Variants in CTNNA2 observed in about 807,000 individuals in gnomAD.
CTNNA2 encodes catenin alpha-2.
Under a neutral mutation model 101.0 loss-of-function variants are expected in CTNNA2, and 42 were observed. The observed-to-expected ratio is 0.42, with a 90% CI of 0.32 to 0.54. The LOEUF (loss-of-function observed/expected upper bound fraction) is 0.54, where lower values mean the gene tolerates loss of function less well. Ranked by LOEUF, CTNNA2 falls within the 20% of genes least tolerant of loss-of-function variation. CTNNA2 has a pLI of 0.14. For synonymous variants in CTNNA2, 450 were observed against 456.4 expected (o/e 0.99, Z 0.18); for missense variants, 871 against 1,223.1 (o/e 0.71, Z 4.29).
intron 3 of CTNNA2, among the ~76,000 whole-genome samples, chr2:79,820,959 G>A (rs1008727008): frequency 2.0e-5 from 3 of 152,024 alleles, no homozygotes; most frequent in African/African-American, 7.2e-5. Context: ...TGGAATGCTT[G>A]GTTCCTTTTT....
rs77924635 is a variant in CTNNA2, at chr2:80,158,517, T to C, written c.1057-234694T>C. Among the ~76,000 whole-genome samples the C allele has an allele frequency of 9.7e-3, 1,482 of 152,328 alleles. 30 individuals are homozygous for C. The highest frequency in any genetic ancestry group is 0.033 in the African/African-American group (1,384 of 41,572). On this transcript the variant is annotated intron_variant, in intron 7 of 18. Transcript: ENST00000402739. ...TCACTACAAGTATCACTCATGTTGC[T>C]CTTCAATAGCAACACCCACTTCTCT... is the stretch of plus-strand genomic sequence containing the variant.
chr2:80,608,679 G>T (rs564305452), intron 17 of CTNNA2, among the ~76,000 whole-genome samples: 46 of 151,808 alleles, frequency 3.0e-4, no homozygotes, highest in Admixed American at 5.9e-4. Context: ...TTCATTCTCT[G>T]TTCAGGAGCC....
At chr2:79,973,367 G>A (rs1327799842) in intron 7 of CTNNA2, among the ~76,000 whole-genome samples, 1 of 152,084 alleles carries the variant, frequency 6.6e-6, no homozygotes, top group Non-Finnish European at 1.5e-5. Context: ...AAATGTTGAG[G>A]GTTGGCAGAG....
intron 2 of CTNNA2, among the ~76,000 whole-genome samples, chr2:79,669,831 C>T (rs945988199): frequency 1.3e-5 from 2 of 152,156 alleles, no homozygotes; most frequent in Non-Finnish European, 2.9e-5. Context: ...CTTTTATTGA[C>T]CGCAGAGGGG....
chr2:79,769,018 C>A (rs1487044309), intron 3 of CTNNA2, among the ~76,000 whole-genome samples: 1 of 152,064 alleles, frequency 6.6e-6, no homozygotes, highest in Non-Finnish European at 1.5e-5. Context: ...CCACGCCTGG[C>A]TAATTTTTTT....
chr2:79,254,105 G>T (rs1307262669), intron 2 of CTNNA2, among the ~76,000 whole-genome samples: 1 of 152,186 alleles, frequency 6.6e-6, no homozygotes, highest in Non-Finnish European at 1.5e-5. Flanking sequence ...AAATGCTCAA[G>T]ATTTATTTGG....
intron 7 of CTNNA2, among the ~76,000 whole-genome samples, chr2:79,995,233 A>G (rs1692462243): frequency 6.6e-6 from 1 of 152,140 alleles, no homozygotes; most frequent in Non-Finnish European, 1.5e-5. Flanking sequence ...ATGTTTTGAT[A>G]CCTGTTTGAA....
At chr2:80,521,171 CCCTT>C (rs1689517196) in intron 9 of CTNNA2, among the ~76,000 whole-genome samples, 1 of 152,132 alleles carries the variant, frequency 6.6e-6, no homozygotes, top group African/African-American at 2.4e-5. Flanking sequence ...ATTCTTTTCT[CCCTT>C]CCTCTACCTA....
chr2:79,561,099 A>G (rs569336196), intron 1 of CTNNA2, among the ~76,000 whole-genome samples: 119 of 151,984 alleles, frequency 7.8e-4, no homozygotes, highest in Non-Finnish European at 1.6e-3. Context: ...CAATTTTCTC[A>G]TCTCTAGGCT....
intron 1 of CTNNA2, among the ~76,000 whole-genome samples, chr2:79,602,621 C>T (rs1677620471): frequency 6.6e-6 from 1 of 151,922 alleles, no homozygotes; most frequent in Admixed American, 6.6e-5. Flanking sequence ...AAAGTACAAA[C>T]AAGATATTAG....
chr2:80,292,760 G>C lies in CTNNA2; in HGVS notation c.1057-100451G>C, dbSNP rs189879873. On this transcript the variant is annotated intron_variant, in intron 7 of 18. Coordinates refer to ENST00000402739, the MANE Select transcript of CTNNA2 (RefSeq NM_001282597.3). Reference sequence around the variant, plus strand: ...GTTCACTCCACAAATGTTGACTTAAGCTCTGAACAAGAAATGTTGTGCTAC... The same window carrying C: ...GTTCACTCCACAAATGTTGACTTAACCTCTGAACAAGAAATGTTGTGCTAC... Among the ~76,000 whole-genome samples the C allele has an allele frequency of 4.2e-3, 633 of 152,320 alleles. 1 individual carries two copies. Among genetic ancestry groups the C allele is most frequent in the African/African-American group, 0.014 (595 of 41,560 alleles).
At chr2:80,232,341 G>GTTTTTTTTTTTTTTTTTT (rs1286822049) in intron 7 of CTNNA2, among the ~76,000 whole-genome samples, 48 of 81,994 alleles carry the variant, frequency 5.9e-4, no homozygotes, top group East Asian at 1.2e-3. Context: ...TTGTTTGTTT[G>GTTTTTTTTTTTTTTTTTT]TTTGTTTTTT....
At chr2:79,722,102 G>A (rs954883279) in intron 2 of CTNNA2, among the ~76,000 whole-genome samples, 1 of 152,136 alleles carries the variant, frequency 6.6e-6, no homozygotes, top group Non-Finnish European at 1.5e-5. Context: ...TTTGGAAGGA[G>A]CATGTGTCAC....
chr2:79,982,938 A>T (rs1267868096), intron 7 of CTNNA2, among the ~76,000 whole-genome samples: 1 of 152,040 alleles, frequency 6.6e-6, no homozygotes, highest in African/African-American at 2.4e-5. Flanking sequence ...TTTATGAGGA[A>T]CCAAGCTATT....
rs201540982 is a variant in CTNNA2 at position 79,203,442 on chromosome 2, TG to T, written c.-406+5368del. On this transcript the variant is annotated intron_variant, in intron 2 of 21. Coordinates refer to the CTNNA2 transcript ENST00000466387. ...TAGAGTCAAGAAATCGAATTACAAA[TG>T]GAGGGAAAAAGACTTTTTCCACAGT... is the stretch of plus-strand genomic sequence containing the variant. 1.2e-3 allele frequency among the ~76,000 whole-genome samples: 177 copies of T among 152,148 alleles called. 1 individual carries two copies. The East Asian group carries it at 0.029, about 25-fold the overall frequency.
chr2:79,449,849 G>A (rs1377426095), intron 4 of CTNNA2, among the ~76,000 whole-genome samples: 1 of 152,024 alleles, frequency 6.6e-6, no homozygotes, highest in African/African-American at 2.4e-5. Context: ...GGGTAAATGT[G>A]TGGGGTCACA....
At chr2:79,196,789 G>A (rs1189647698) in intron 1 of CTNNA2, among the ~76,000 whole-genome samples, 1 of 152,202 alleles carries the variant, frequency 6.6e-6, no homozygotes, top group East Asian at 1.9e-4. Flanking sequence ...TCTCAGGGAA[G>A]ACTTGCAAAG....
intron 7 of CTNNA2, among the ~76,000 whole-genome samples, chr2:80,044,577 C>G (rs1696391101): frequency 6.6e-6 from 1 of 152,054 alleles, no homozygotes; most frequent in African/African-American, 2.4e-5. Flanking sequence ...CTGGGTCTTT[C>G]TCTCCCTCTC....
chr2:79,304,196 C>T (rs1676179249), intron 2 of CTNNA2, among the ~76,000 whole-genome samples: 2 of 152,112 alleles, frequency 1.3e-5, no homozygotes, highest in Non-Finnish European at 2.9e-5. Flanking sequence ...AAACTGGAAA[C>T]TGCGTCAAGG....
Sources: allele counts gnomAD v4.1 joint callset (sites outside exome capture counted in the v4.1 genomes callset), GRCh38; gene constraint gnomAD v4.1.1; transcripts MANE v1.5; gene names NCBI Gene and HGNC (gene_info 2026-07-23, HGNC 2026-07-21).